ZCWPW2: variants seen among roughly 807,000 people sequenced by gnomAD.
ZCWPW2 encodes zinc finger CW-type PWWP domain protein 2.
In ZCWPW2, 45 loss-of-function variants were observed where a neutral mutation model predicts 46.6. The observed-to-expected ratio is 0.96, with a 90% CI of 0.76 to 1.24. ZCWPW2 has a LOEUF of 1.24. ZCWPW2 is among the 50% of genes most tolerant of loss of function. The pLI is 0.00. For synonymous variants in ZCWPW2, 152 were observed against 137.1 expected, an observed-to-expected ratio of 1.11 and a Z score of -0.76; for missense variants, 429 against 403.9, an observed-to-expected ratio of 1.06 and a Z score of -0.53.
At chr3:28,362,674 A>G (rs1704985933) in intron 1 of ZCWPW2, among the ~76,000 whole-genome samples, 1 of 152,178 alleles carries the variant, frequency 6.6e-6, no homozygotes, top group Admixed American at 6.5e-5. Context: ...GCAGTTCCTC[A>G]AAGAACTGAA....
intron 5 of ZCWPW2, among the ~76,000 whole-genome samples, chr3:28,487,730 A>C (rs1023052345): frequency 6.6e-6 from 1 of 152,160 alleles, no homozygotes; most frequent in Non-Finnish European, 1.5e-5. Context: ...ATAGTTTAGC[A>C]GTGCAGTGGT....
chr3:28,446,340 A>G (rs1161469569), intron 4 of ZCWPW2, among the ~76,000 whole-genome samples: 3 of 152,122 alleles, frequency 2.0e-5, no homozygotes, highest in Non-Finnish European at 2.9e-5. Context: ...TCGGACCACA[A>G]TGAAATGAAG....
At chr3:28,409,801 A>C (rs1696326145) in intron 2 of ZCWPW2, among the ~76,000 whole-genome samples, 1 of 152,190 alleles carries the variant, frequency 6.6e-6, no homozygotes, top group South Asian at 2.1e-4. Flanking sequence ...AGGAGAAAAT[A>C]AGTAAAGAAA....
chr3:28,428,594 T>C (rs1414916069), intron 3 of ZCWPW2: 1 of 152,184 alleles, frequency 6.6e-6, no homozygotes, highest in Non-Finnish European at 1.5e-5. Flanking sequence ...GTTCTGTTAA[T>C]TATGATCAGT....
intron 1 of ZCWPW2, among the ~76,000 whole-genome samples, chr3:28,389,585 A>T (rs759688310): frequency 1.3e-5 from 2 of 152,190 alleles, no homozygotes; most frequent in Non-Finnish European, 2.9e-5. Context: ...CTAATCAGAG[A>T]CCAATTACAG....
intron 4 of ZCWPW2, among the ~76,000 whole-genome samples, 172 bp from the exon 5 acceptor site, chr3:28,478,642 C>G (rs1699315603): frequency 6.6e-6 from 1 of 151,960 alleles, no homozygotes; most frequent in East Asian, 1.9e-4. Context: ...GCAAAATTTT[C>G]ACAATTTTGC....
chr3:28,449,278 A>G (rs1475837173), intron 4 of ZCWPW2, among the ~76,000 whole-genome samples: 1 of 152,220 alleles, frequency 6.6e-6, no homozygotes, highest in Non-Finnish European at 1.5e-5. Flanking sequence ...CTAAAATTCT[A>G]AAGTCTTAGA....
chr3:28,389,358 A>C (rs1054078019), intron 1 of ZCWPW2, among the ~76,000 whole-genome samples: 1 of 152,154 alleles, frequency 6.6e-6, no homozygotes, highest in African/African-American at 2.4e-5. Context: ...ACTTTGTCCA[A>C]TAACATGAGG....
intron 4 of ZCWPW2, among the ~76,000 whole-genome samples, chr3:28,451,919 A>G (rs1022841275): frequency 2.0e-5 from 3 of 152,224 alleles, no homozygotes; most frequent in Admixed American, 2.0e-4. Flanking sequence ...CCAAATTCTC[A>G]GCAAAATTTT....
intron 4 of ZCWPW2, among the ~76,000 whole-genome samples, chr3:28,443,708 T>C (rs935894710): frequency 2.6e-5 from 4 of 152,162 alleles, no homozygotes; most frequent in Admixed American, 2.6e-4. Context: ...TGATCCTCAT[T>C]GTATTTAAAT....
intron 2 of ZCWPW2, among the ~76,000 whole-genome samples, chr3:28,410,324 A>C (rs1696351627): frequency 6.6e-6 from 1 of 152,188 alleles, no homozygotes; most frequent in Non-Finnish European, 1.5e-5. Flanking sequence ...AGAGAAAATT[A>C]ACCCCACAAT....
intron 6 of ZCWPW2, among the ~76,000 whole-genome samples, chr3:28,498,853 C>G (rs7427045): frequency 5.3e-5 from 8 of 151,630 alleles, no homozygotes; most frequent in Admixed American, 5.3e-4. Flanking sequence ...CCTGTGTCCA[C>G]GTGTTCATTG....
intron 4 of ZCWPW2, among the ~76,000 whole-genome samples, chr3:28,452,871 C>A (rs988528600): frequency 2.0e-5 from 3 of 152,072 alleles, no homozygotes; most frequent in African/African-American, 7.2e-5. Flanking sequence ...GACTTAAGAT[C>A]ATATATAGAA....
intron 2 of ZCWPW2, among the ~76,000 whole-genome samples, chr3:28,391,379 GCACA>G (rs898124301): frequency 2.5e-4 from 22 of 88,776 alleles, no homozygotes; most frequent in African/African-American, 5.2e-4. Context: ...ACACACACAT[GCACA>G]CACACACACA....
At chr3:28,360,342 A>G (rs1414493656) in intron 1 of ZCWPW2, among the ~76,000 whole-genome samples, 3 of 131,168 alleles carry the variant, frequency 2.3e-5, no homozygotes, top group East Asian at 2.1e-4. Context: ...CGTCTCTACT[A>G]AAAATACAAA....
At chr3:28,465,092 T>G (rs1464931034) in intron 4 of ZCWPW2, among the ~76,000 whole-genome samples, 1 of 152,236 alleles carries the variant, frequency 6.6e-6, no homozygotes, top group East Asian at 1.9e-4. Context: ...CTAAATGTAG[T>G]TTTTACCTTA....
intron 8 of ZCWPW2, among the ~76,000 whole-genome samples, chr3:28,519,022 A>AGG (rs1243779354): frequency 1.3e-5 from 2 of 152,220 alleles, no homozygotes; most frequent in Non-Finnish European, 2.9e-5. Flanking sequence ...TAAACTCCCC[A>AGG]GGTGATTATT....
At chr3:28,498,698 G>A (rs935823913) in intron 6 of ZCWPW2, among the ~76,000 whole-genome samples, 13 of 150,986 alleles carry the variant, frequency 8.6e-5, no homozygotes, top group East Asian at 7.8e-4. Context: ...TGTGCAGAAC[G>A]TGCAGGTTTG....
intron 5 of ZCWPW2, among the ~76,000 whole-genome samples, chr3:28,479,425 A>G (rs1699350861): frequency 6.6e-6 from 1 of 152,160 alleles, no homozygotes; most frequent in Non-Finnish European, 1.5e-5. Flanking sequence ...ATTTTAGGTT[A>G]TTTTCAAAGA....
Sources: gnomAD v4.1 joint callset for allele counts (sites outside exome capture counted in the v4.1 genomes callset) on GRCh38, gnomAD v4.1.1 for gene constraint, MANE v1.5 for transcripts, NCBI Gene and HGNC (gene_info 2026-07-23, HGNC 2026-07-21) for gene names.